The following WRN variants were observed in gnomAD, a reference collection of about 807,000 sequenced individuals.
WRN encodes the protein bifunctional 3'-5' exonuclease/ATP-dependent helicase WRN.
WRN carries 149 observed loss-of-function variants against 180.7 expected under a neutral mutation model. That is an observed-to-expected ratio of 0.82 (90% CI 0.72 to 0.94). The LOEUF (loss-of-function observed/expected upper bound fraction) is 0.94, where lower values mean the gene tolerates loss of function less well. WRN is among the 40% of genes least tolerant of loss of function. WRN has a pLI of 0.00. For missense variants in WRN, 1,661 were observed against 1,700.1 expected, an observed-to-expected ratio of 0.98 and a Z score of 0.40; for synonymous variants, 548 against 568.9, an observed-to-expected ratio of 0.96 and a Z score of 0.52.
intron 24 of WRN, among the ~76,000 whole-genome samples, chr8:31,133,130 A>AC (rs1385819362): frequency 1.3e-5 from 2 of 152,136 alleles, no homozygotes; most frequent in African/African-American, 2.4e-5. Context: ...ATAAGATAGG[A>AC]CCGTTGCAGT....
chr8:31,157,318 G>A (rs2130479734), intron 32 of WRN, 50 bp from the exon 33 acceptor site: 1 of 1,609,318 alleles, frequency 6.2e-7, no homozygotes. Context: ...TTCCATGACT[G>A]GAGTGGACAC....
In WRN at chr8:31,173,979, C is replaced by T. The variant is rs150644448; in HGVS notation, c.*877C>T. 3.9e-5 allele frequency among the ~76,000 whole-genome samples: 6 copies of T among 152,186 alleles called. No homozygotes were observed. The highest frequency in any genetic ancestry group is 1.4e-4 in the African/African-American group (6 of 41,524). ...TTGGCTTTTTTGTAAATAAAAATAACTTGTTAAGAAACAAATATATCTGTC... is the reference window on the plus strand; with the variant it reads ...TTGGCTTTTTTGTAAATAAAAATAATTTGTTAAGAAACAAATATATCTGTC... On this transcript the variant is annotated 3_prime_UTR_variant, in exon 35 of 35. Transcript: ENST00000298139.
intron 33 of WRN, among the ~76,000 whole-genome samples, chr8:31,159,006 A>C (rs919685832): frequency 6.6e-6 from 1 of 152,106 alleles, no homozygotes; most frequent in Non-Finnish European, 1.5e-5. Context: ...ATGGATATAA[A>C]AATGAGAACA....
intron 23 of WRN, among the ~76,000 whole-genome samples, chr8:31,127,244 G>A (rs1019805448): frequency 6.6e-6 from 1 of 152,094 alleles, no homozygotes; most frequent in Non-Finnish European, 1.5e-5. Context: ...AAGATCAGTG[G>A]TTATTAGAGA....
At chr8:31,042,467 G>A (rs552290965) in intron 1 of WRN, among the ~76,000 whole-genome samples, 1 of 152,340 alleles carries the variant, frequency 6.6e-6, no homozygotes, top group Admixed American at 6.5e-5. Flanking sequence ...GTTAGGTGTT[G>A]AGTTACATGT....
intron 23 of WRN, among the ~76,000 whole-genome samples, chr8:31,126,331 T>G (rs1801931893): frequency 6.6e-6 from 1 of 152,042 alleles, no homozygotes; most frequent in Non-Finnish European, 1.5e-5. Flanking sequence ...TAGAAAACAA[T>G]AACAGAAAGA....
chr8:31,172,885 G>T, intron 34 of WRN, 110 bp from the exon 35 acceptor site: 3 of 855,922 alleles, frequency 3.5e-6, no homozygotes, highest in Non-Finnish European at 5.7e-6. Context: ...TTGTTTGGAT[G>T]GGGGAGAAAG....
chr8:31,151,399 C>T (rs1438050260), intron 31 of WRN, among the ~76,000 whole-genome samples: 4 of 152,060 alleles, frequency 2.6e-5, no homozygotes, highest in Non-Finnish European at 5.9e-5. Context: ...AGTAGAAAAC[C>T]CTTCTGCTTT....
intron 7 of WRN, among the ~76,000 whole-genome samples, chr8:31,073,315 A>G (rs1812978004): frequency 6.6e-6 from 1 of 152,174 alleles, no homozygotes; most frequent in South Asian, 2.1e-4. Context: ...TATTTGGAAG[A>G]TATATATTGT....
chr8:31,067,190 C>T lies in WRN; in HGVS notation c.654+8C>T, dbSNP rs1239464875. On this transcript the variant is annotated splice_region_variant and intron_variant, in intron 6 of 34. Coordinates refer to ENST00000298139, the MANE Select transcript of WRN (RefSeq NM_000553.6). Reference sequence around the variant, plus strand: ...GCAGCCACTGATGCTTATGTACGTGCTTAAAGATCTTTAGAAATTGTGATG... The same window carrying T: ...GCAGCCACTGATGCTTATGTACGTGTTTAAAGATCTTTAGAAATTGTGATG... 6.2e-7 allele frequency: 1 copy of T among 1,613,026 alleles called. No homozygotes were observed. Among genetic ancestry groups the T allele is most frequent in the East Asian group, 2.2e-5 (1 of 44,816 alleles).
chr8:31,108,145 T>A (rs971993705), intron 18 of WRN, among the ~76,000 whole-genome samples: 1 of 152,172 alleles, frequency 6.6e-6, no homozygotes, highest in Admixed American at 6.5e-5. Flanking sequence ...TGCTGCCTGT[T>A]AAAAAAGAAA....
intron 1 of WRN, among the ~76,000 whole-genome samples, chr8:31,058,114 G>T (rs1812343882): frequency 6.6e-6 from 1 of 152,116 alleles, no homozygotes; most frequent in Admixed American, 6.5e-5. Context: ...TGATAGTGAG[G>T]TAAGGTTATT....
Position 31,081,227 on chromosome 8 carries a change from T to G in WRN, c.1200T>G (p.His400Gln). 1 of 1,613,062 alleles carries G rather than the reference T, an allele frequency of 6.2e-7. No individual in the cohort carries two copies. Among genetic ancestry groups the G allele is most frequent in the Non-Finnish European group, 8.5e-7 (1 of 1,179,268 alleles). Residue 400 changes from histidine (H) to glutamine (Q), a missense_variant, in exon 9 of 35, where the codon CAT becomes CAG. Physicochemically the swap from His to Gln is conservative, Grantham distance 24. Around this residue, in one of 3 missense-constraint regions of WRN, gnomAD observed 500 missense variants for 504.1 expected, o/e 0.99. Coordinates refer to ENST00000298139, the MANE Select transcript of WRN (RefSeq NM_000553.6). ...ACLMSLDITE[H>Q]ELQILEQQSQ... Reference sequence around the variant, plus strand: ...TGATGTCGTTAGATATTACAGAACATGAACTCCAAATTTTGGAACAGCAGT... The same window carrying G: ...TGATGTCGTTAGATATTACAGAACAGGAACTCCAAATTTTGGAACAGCAGT...
chr8:31,082,962 C>G (rs1480150961), intron 9 of WRN, among the ~76,000 whole-genome samples: 3 of 151,840 alleles, frequency 2.0e-5, no homozygotes, highest in Non-Finnish European at 4.4e-5. Context: ...ACTTTTTTTC[C>G]TAGTACAAAG....
At chr8:31,122,586 C>A (rs1801763465) in intron 21 of WRN, among the ~76,000 whole-genome samples, 1 of 151,926 alleles carries the variant, frequency 6.6e-6, no homozygotes, top group Admixed American at 6.6e-5. Context: ...GCAGAGTAAT[C>A]TCGGTCCGGT....
chr8:31,068,670 A>G (rs1812799955), intron 7 of WRN, among the ~76,000 whole-genome samples: 1 of 152,204 alleles, frequency 6.6e-6, no homozygotes, highest in South Asian at 2.1e-4. Flanking sequence ...TTTCTATATA[A>G]TGCTTTAAAA....
chr8:31,147,705 A>G (rs1802917346), intron 30 of WRN, among the ~76,000 whole-genome samples: 1 of 151,916 alleles, frequency 6.6e-6, no homozygotes, highest in African/African-American at 2.4e-5. Context: ...ATAAAATCTA[A>G]CTCATTATTT....
chr8:31,149,560 C>T (rs1160623579), intron 30 of WRN, among the ~76,000 whole-genome samples: 1 of 127,002 alleles, frequency 7.9e-6, no homozygotes, highest in Non-Finnish European at 1.6e-5. Context: ...CTGCAACCTC[C>T]GCCTCCTGGG....
chr8:31,073,290 C>T (rs976537959), intron 7 of WRN, among the ~76,000 whole-genome samples: 13 of 152,120 alleles, frequency 8.5e-5, no homozygotes, highest in Admixed American at 4.6e-4. Context: ...GATGAGAAGT[C>T]GTAGCTTCTG....
Sources: allele counts gnomAD v4.1 joint callset (sites outside exome capture counted in the v4.1 genomes callset), GRCh38; gene constraint gnomAD v4.1.1; regional missense constraint gnomAD v4.1.1; transcripts MANE v1.5; gene names NCBI Gene and HGNC (gene_info 2026-07-23, HGNC 2026-07-21).